APBA2: variants seen among roughly 807,000 people sequenced by gnomAD.
The protein encoded by APBA2 is amyloid beta precursor protein binding family A member 2.
Under a neutral mutation model 75.0 loss-of-function variants are expected in APBA2, and 30 were observed. That is an observed-to-expected ratio of 0.40 (90% CI 0.30 to 0.54). The LOEUF is 0.54. APBA2 is among the 20% of genes least tolerant of loss of function. The pLI is 0.49. For missense variants in APBA2, 801 were observed against 1,016.1 expected, an observed-to-expected ratio of 0.79 and a Z score of 2.88; for synonymous variants, 444 against 409.6, an observed-to-expected ratio of 1.08 and a Z score of -1.01.
intron 4 of APBA2, among the ~76,000 whole-genome samples, chr15:29,072,987 C>A (rs946473134): frequency 3.3e-5 from 5 of 152,300 alleles, no homozygotes; most frequent in South Asian, 2.1e-4. Flanking sequence ...TCCCCTGCAT[C>A]CCCCACTCCC....
At chr15:28,990,025 G>A (rs958989737) in intron 2 of APBA2, among the ~76,000 whole-genome samples, 2 of 152,130 alleles carry the variant, frequency 1.3e-5, no homozygotes, top group African/African-American at 4.8e-5. Context: ...AGAAGGGCGC[G>A]GGGAACTGTG....
At chr15:29,101,275 G>T (rs1157530750) in intron 9 of APBA2, among the ~76,000 whole-genome samples, 8 of 151,492 alleles carry the variant, frequency 5.3e-5, no homozygotes, top group Non-Finnish European at 7.4e-5. Flanking sequence ...TGTTGCCCAG[G>T]CTGGAGTGCA....
intron 6 of APBA2, among the ~76,000 whole-genome samples, chr15:29,077,291 C>G (rs112193061): frequency 0.024 from 3,657 of 152,254 alleles, 162 homozygotes; most frequent in African/African-American, 0.084. Flanking sequence ...GAGCTGGCAC[C>G]TCGTGAGCAG....
At chr15:28,988,315 G>A (rs1370307149) in intron 2 of APBA2, among the ~76,000 whole-genome samples, 7 of 151,208 alleles carry the variant, frequency 4.6e-5, no homozygotes, top group African/African-American at 1.7e-4. Flanking sequence ...CCAGGCTGGA[G>A]TGCAGTGGCG....
intron 1 of APBA2, among the ~76,000 whole-genome samples, chr15:28,902,283 C>T (rs1395186556): frequency 6.6e-6 from 1 of 152,078 alleles, no homozygotes; most frequent in Non-Finnish European, 1.5e-5. Context: ...CCTTCTGTAT[C>T]CGTCCTCCCC....
chr15:28,933,421 G>C (rs1359863030), intron 2 of APBA2, among the ~76,000 whole-genome samples: 2 of 152,114 alleles, frequency 1.3e-5, no homozygotes, highest in African/African-American at 4.8e-5. Flanking sequence ...CTGGCTCTCT[G>C]GTCTTGGACT....
At chr15:29,050,742 G>T (rs763773530) in intron 3 of APBA2, among the ~76,000 whole-genome samples, 1 of 152,182 alleles carries the variant, frequency 6.6e-6, no homozygotes, top group Non-Finnish European at 1.5e-5. Flanking sequence ...ATATTTATAT[G>T]TGCATATTAC....
At chr15:29,060,021 C>G (rs933419462) in intron 4 of APBA2, among the ~76,000 whole-genome samples, 7 of 152,162 alleles carry the variant, frequency 4.6e-5, no homozygotes, top group African/African-American at 1.7e-4. Flanking sequence ...GCTTTACACC[C>G]TGGGGAGTAA....
At chr15:28,888,874 C>A (rs1478564587) in intron 1 of APBA2, among the ~76,000 whole-genome samples, 1 of 152,180 alleles carries the variant, frequency 6.6e-6, no homozygotes, top group Admixed American at 6.5e-5. Context: ...TGTAAGGTAG[C>A]CACTGACCAC....
intron 2 of APBA2, among the ~76,000 whole-genome samples, chr15:28,960,904 C>T (rs1479590520): frequency 2.6e-5 from 4 of 151,890 alleles, no homozygotes; most frequent in African/African-American, 9.7e-5. Flanking sequence ...GGATTACAGG[C>T]GTGCACCACC....
At chr15:28,923,550 G>C (rs2034089320) in intron 2 of APBA2, among the ~76,000 whole-genome samples, 1 of 147,884 alleles carries the variant, frequency 6.8e-6, no homozygotes, top group African/African-American at 2.5e-5. Flanking sequence ...CTGCCCTGGG[G>C]GTGGGTGCTG....
At chr15:29,114,988 G>C (rs1414574792) in intron 14 of APBA2, among the ~76,000 whole-genome samples, 2 of 151,564 alleles carry the variant, frequency 1.3e-5, no homozygotes, top group African/African-American at 4.9e-5. Flanking sequence ...GGTGTGAGGA[G>C]AGTGTGAGTG....
intron 6 of APBA2, among the ~76,000 whole-genome samples, chr15:29,080,397 C>G (rs79566410): frequency 0.026 from 4,000 of 152,206 alleles, 96 homozygotes; most frequent in Non-Finnish European, 0.04. Context: ...CCAGAGAGTT[C>G]AGTGGAGGGG....
chr15:29,040,090 A>T (rs376386124), intron 3 of APBA2, among the ~76,000 whole-genome samples: 60 of 152,334 alleles, frequency 3.9e-4, no homozygotes, highest in African/African-American at 1.3e-3. Context: ...GCTGAAGATT[A>T]GGAGGGATCA....
At chr15:29,023,432 A>G (rs1224814324) in intron 3 of APBA2, among the ~76,000 whole-genome samples, 8 of 113,878 alleles carry the variant, frequency 7.0e-5, no homozygotes, top group African/African-American at 2.1e-4. Flanking sequence ...TGGCCATTAT[A>G]CCTTTTTCCT....
intron 6 of APBA2, among the ~76,000 whole-genome samples, chr15:29,081,276 C>A (rs920876536): frequency 1.3e-5 from 2 of 152,084 alleles, no homozygotes; most frequent in South Asian, 4.1e-4. Context: ...GGGGGATGGA[C>A]GGGAGGAAGG....
intron 4 of APBA2, among the ~76,000 whole-genome samples, chr15:29,062,527 T>C (rs938468400): frequency 1.3e-5 from 2 of 152,208 alleles, no homozygotes; most frequent in African/African-American, 4.8e-5. Flanking sequence ...CTTTGATTTG[T>C]ATGAAGCCTT....
At chr15:28,912,863 A>T (rs989445931) in intron 1 of APBA2, among the ~76,000 whole-genome samples, 1 of 152,178 alleles carries the variant, frequency 6.6e-6, no homozygotes, top group Non-Finnish European at 1.5e-5. Context: ...CACACATTTA[A>T]ATGTTTATAA....
chr15:29,117,488 G>A lies in APBA2; in HGVS notation c.*355G>A, dbSNP rs916487127. The A allele has an allele frequency of 4.9e-5, 15 of 308,302 alleles. No individual in the cohort carries two copies. The highest frequency in any genetic ancestry group is 8.0e-5 in the Non-Finnish European group (13 of 162,312). 19.1% of individuals were successfully genotyped at this position (308,302 alleles called of 1,614,324 possible). ...CTGTGCGGAGCGAACTGGCGCCTCC[G>A]AGGGACGCGGCTCCCGGGGCAGGGC... On this transcript the variant is annotated 3_prime_UTR_variant, in exon 15 of 15. Transcript: ENST00000683413.
Sources: gnomAD v4.1 joint callset for allele counts (sites outside exome capture counted in the v4.1 genomes callset) on GRCh38, gnomAD v4.1.1 for gene constraint, MANE v1.5 for transcripts, NCBI Gene and HGNC (gene_info 2026-07-23, HGNC 2026-07-21) for gene names.